ERICH3: variants seen among roughly 807,000 people sequenced by gnomAD.
The protein encoded by ERICH3 is glutamate rich 3.
ERICH3 carries 126 observed loss-of-function variants against 131.1 expected under a neutral mutation model. The observed-to-expected ratio is 0.96, with a 90% CI of 0.83 to 1.11. The LOEUF is 1.11. Ranked by LOEUF, ERICH3 falls within the 50% of genes most tolerant of loss-of-function variation. The pLI is 0.00. For synonymous variants in ERICH3, 695 were observed against 644.6 expected (o/e 1.08, Z -1.18); for missense variants, 2,050 against 1,810.7 (o/e 1.13, Z -2.40).
intron 7 of ERICH3, among the ~76,000 whole-genome samples, chr1:74,629,398 T>A (rs1649520119): frequency 1.3e-5 from 2 of 150,576 alleles, no homozygotes; most frequent in Non-Finnish European, 1.5e-5. Flanking sequence ...AAAAGAAGAG[T>A]AAGTCAGACT....
intron 1 of ERICH3, among the ~76,000 whole-genome samples, chr1:74,651,955 G>C (rs1288943772): frequency 2.6e-5 from 4 of 152,126 alleles, no homozygotes; most frequent in Non-Finnish European, 5.9e-5. Flanking sequence ...CACGATGCCT[G>C]TCCAGGCTTA....
At chr1:74,611,367 G>C (rs112623742) in intron 9 of ERICH3, among the ~76,000 whole-genome samples, 184 of 152,186 alleles carry the variant, frequency 1.2e-3, no homozygotes, top group Admixed American at 3.7e-3. Context: ...AGTAAATTCT[G>C]TAAGCTCTAC....
intron 11 of ERICH3, among the ~76,000 whole-genome samples, chr1:74,597,137 A>T (rs1035277936): frequency 6.6e-6 from 1 of 152,112 alleles, no homozygotes; most frequent in Non-Finnish European, 1.5e-5. Context: ...GCTTTTCAAC[A>T]GAGTATTCCA....
In ERICH3 at chr1:74,667,662, C is replaced by T. The variant is rs185530552; in HGVS notation, c.23+5835G>A. Among the ~76,000 whole-genome samples, 464 of 152,252 alleles carry T rather than the reference C, an allele frequency of 3.0e-3. 1 individual carries two copies. Among genetic ancestry groups the T allele is most frequent in the Non-Finnish European group, 5.6e-3 (381 of 68,008 alleles). ...TCAGAAGTTTTATTTTCCCATCTCC[C>T]TAAAAACCTAGCATGGATTTATTAA... is the stretch of plus-strand genomic sequence containing the variant. On this transcript the variant is annotated intron_variant, in intron 1 of 14. Coordinates refer to ENST00000326665, the MANE Select transcript of ERICH3 (RefSeq NM_001002912.5).
Position 74,568,905 on chromosome 1 carries a change from A to G in ERICH3, c.*1553T>C, listed in dbSNP as rs2100492895. ...AAGCTATGGATTACTGGAACCCACC[A>G]AGAGTTTCTAATTTAGTAGGTAGGA... On this transcript the variant is annotated 3_prime_UTR_variant, in exon 15 of 15. Coordinates refer to ENST00000326665, the MANE Select transcript of ERICH3 (RefSeq NM_001002912.5). 6.6e-6 allele frequency: 1 copy of G among 152,250 alleles called. No individual in the cohort carries two copies. Among genetic ancestry groups the G allele is most frequent in the South Asian group, 2.1e-4 (1 of 4,822 alleles). 9.4% of individuals were successfully genotyped at this position (152,250 alleles called of 1,614,324 possible). A position where few individuals can be genotyped will look rare whatever the true frequency, so the allele number is the denominator to read the frequency against.
At position 74,584,836 on chromosome 1, in the gene ERICH3, AT is replaced by A. The variant is rs576671734; in HGVS notation, c.2176+4794del. Among the ~76,000 whole-genome samples, 142 of 152,308 alleles carry A rather than the reference AT, an allele frequency of 9.3e-4. 2 individuals carry two copies. The highest frequency in any genetic ancestry group is 3.1e-3 in the Admixed American group (48 of 15,296). On this transcript the variant is annotated intron_variant, in intron 12 of 14. Coordinates refer to ENST00000326665, the MANE Select transcript of ERICH3 (RefSeq NM_001002912.5). ...AAATATTTAGGGACTGAAGAGGTCT[AT>A]TAGAACAACCACATGCTTCCACAGG...
In ERICH3 at chr1:74,632,445, T is replaced by A. The variant is rs372744087; in HGVS notation, c.604-517A>T. 2.6e-5 allele frequency among the ~76,000 whole-genome samples: 4 copies of A among 152,150 alleles called. No individual in the cohort carries two copies. In the East Asian group the frequency reaches 7.7e-4, roughly 29 times the overall value. ...TACAGAGGAAAAATTAAAATATTTA[T>A]CAAAATTTTAAGGTATATATCCTTT... is the stretch of plus-strand genomic sequence containing the variant. On this transcript the variant is annotated intron_variant, in intron 6 of 14. Transcript: ENST00000326665.
At chr1:74,649,437 T>C in intron 1 of ERICH3, 122 bp from the exon 2 acceptor site, 1 of 629,626 alleles carries the variant, frequency 1.6e-6, no homozygotes. Flanking sequence ...CAGTCATTCA[T>C]ATATGTGTTT....
At position 74,589,775 on chromosome 1, in the gene ERICH3, G is replaced by C. The variant is rs1277606137; in HGVS notation, c.2032C>G (p.Gln678Glu). The C allele has an allele frequency of 2.5e-6, 4 of 1,613,840 alleles. No individual in the cohort carries two copies. The highest frequency in any genetic ancestry group is 1.3e-5 in the African/African-American group (1 of 74,844). ...VLKEGTEKGT[Q>E]EIAEGLSEKS... The stretch of plus-strand genomic sequence containing the variant: ...TCAGATAAACCCTCTGCAATCTCTT[G>C]GGTTCCTTTCTCCGTTCCTTCTTTA... The change falls in exon 12 of 15, where the codon CAA (glutamine) becomes GAA (glutamate). Residue 678 changes from glutamine (Q) to glutamate (E), a missense_variant. Transcript: ENST00000326665.
Position 74,650,228 on chromosome 1 carries a change from G to T in ERICH3, c.24-913C>A, listed in dbSNP as rs569589071. Among the ~76,000 whole-genome samples, 8 of 152,154 alleles carry T rather than the reference G, an allele frequency of 5.3e-5. No individual in the cohort carries two copies. The East Asian group carries it at 1.4e-3, about 26-fold the overall frequency. ...TCCAGCACCAAAACAATAATTCATA[G>T]ATCACTTTTGATTTTTAGTGTCTTT... On this transcript the variant is annotated intron_variant, in intron 1 of 14. Coordinates refer to ENST00000326665, the MANE Select transcript of ERICH3 (RefSeq NM_001002912.5).
In ERICH3 at chr1:74,649,355, G is replaced by T. The variant is rs753315756; in HGVS notation, c.24-40C>A. 2.0e-6 allele frequency: 3 copies of T among 1,509,408 alleles called. No individual in the cohort carries two copies. In the South Asian group the frequency reaches 3.4e-5, roughly 17 times the overall value. 93.5% of individuals were successfully genotyped at this position (1,509,408 alleles called of 1,614,324 possible). On this transcript the variant is annotated intron_variant, in intron 1 of 14. Transcript: ENST00000326665. Reference sequence around the variant, plus strand: ...TAAAACCAATAAGCTTTTACAAGGGGTTGTTTGATAACCAAGGCAATTCTT... The same window carrying T: ...TAAAACCAATAAGCTTTTACAAGGGTTTGTTTGATAACCAAGGCAATTCTT...
At chr1:74,600,555 T>C (rs1017928437) in intron 10 of ERICH3, among the ~76,000 whole-genome samples, 1 of 151,904 alleles carries the variant, frequency 6.6e-6, no homozygotes, top group Non-Finnish European at 1.5e-5. Context: ...TACATTTCAA[T>C]GATAAAAATT....
chr1:74,579,477 TG>T (rs1647137862), intron 12 of ERICH3: 6 of 985,242 alleles, frequency 6.1e-6, no homozygotes, highest in Non-Finnish European at 7.2e-6. Context: ...TCTGCTGGCT[TG>T]CCCCTGGAGG....
chr1:74,581,883 A>C (rs1570815251), intron 12 of ERICH3, among the ~76,000 whole-genome samples: 1 of 152,320 alleles, frequency 6.6e-6, no homozygotes, highest in East Asian at 1.9e-4. Flanking sequence ...TTCCAATTCC[A>C]ATTCAGTGAC....
At chr1:74,617,875 G>GA (rs1250161270) in intron 8 of ERICH3, among the ~76,000 whole-genome samples, 2 of 151,782 alleles carry the variant, frequency 1.3e-5, no homozygotes, top group Middle Eastern at 3.4e-3. Context: ...TTTTAAAACT[G>GA]AAAAAAAAGT....
At chr1:74,605,805 T>G (rs1648358706) in intron 10 of ERICH3, among the ~76,000 whole-genome samples, 1 of 151,686 alleles carries the variant, frequency 6.6e-6, no homozygotes, top group Non-Finnish European at 1.5e-5. Flanking sequence ...AAGTTAGAAA[T>G]ATTGAGAAAA....
At chr1:74,673,323 C>G (rs773842888) in intron 1 of ERICH3, among the ~76,000 whole-genome samples, 174 bp downstream of exon 1, 1 of 151,980 alleles carries the variant, frequency 6.6e-6, no homozygotes, top group Non-Finnish European at 1.5e-5. Flanking sequence ...AGACATGATG[C>G]CTGGGATTTC....
At chr1:74,590,173 T>C in intron 11 of ERICH3, 93 bp from the exon 12 acceptor site, 1 of 1,115,632 alleles carries the variant, frequency 9.0e-7, no homozygotes, top group Non-Finnish European at 1.2e-6. Context: ...ATACTAAAAA[T>C]TTTAAAACAT....
At chr1:74,582,820 T>C (rs774327974) in intron 12 of ERICH3, among the ~76,000 whole-genome samples, 1 of 152,092 alleles carries the variant, frequency 6.6e-6, no homozygotes, top group Non-Finnish European at 1.5e-5. Context: ...TTTTCAGGTA[T>C]TTTTTACCAT....
Sources: gnomAD v4.1 joint callset for allele counts (sites outside exome capture counted in the v4.1 genomes callset) on GRCh38, gnomAD v4.1.1 for gene constraint, MANE v1.5 for transcripts, NCBI Gene and HGNC (gene_info 2026-07-23, HGNC 2026-07-21) for gene names.